The following NAALADL2 variants were observed in gnomAD, a reference collection of about 807,000 sequenced individuals.
NAALADL2 encodes the protein N-acetylated alpha-linked acidic dipeptidase like 2, also known as inactive N-acetylated-alpha-linked acidic dipeptidase-like protein 2.
NAALADL2 carries 76 observed loss-of-function variants against 87.2 expected under a neutral mutation model. The ratio of observed to expected loss-of-function variants is 0.87; its 90% CI spans 0.72 to 1.05. The LOEUF (loss-of-function observed/expected upper bound fraction) is 1.05. Among genes scored for constraint, NAALADL2 ranks in the 50% least tolerant of loss-of-function variants. The probability of loss-of-function intolerance (pLI) is 0.00; values close to 1 mark genes in which losing one functional copy is unlikely to be tolerated. For missense variants in NAALADL2, 1,089 were observed against 945.8 expected (o/e 1.15, Z -1.99); for synonymous variants, 354 against 331.0 (o/e 1.07, Z -0.75).
At chr3:174,972,897 G>A (rs1275907546) in intron 1 of NAALADL2, among the ~76,000 whole-genome samples, 2 of 151,796 alleles carry the variant, frequency 1.3e-5, no homozygotes, top group African/African-American at 2.4e-5. Flanking sequence ...TCGGGAGGCT[G>A]AGGGAGGAGA....
At chr3:174,844,084 C>G (rs1303740174) in intron 3 of NAALADL2, among the ~76,000 whole-genome samples, 2 of 152,270 alleles carry the variant, frequency 1.3e-5, no homozygotes, top group African/African-American at 4.8e-5. Context: ...TTTTAAAAAT[C>G]TTTGCCCAGC....
intron 1 of NAALADL2, among the ~76,000 whole-genome samples, chr3:175,033,914 CTT>C (rs1489204816): frequency 3.3e-5 from 5 of 152,276 alleles, no homozygotes; most frequent in Admixed American, 6.5e-5. Flanking sequence ...GACATTATCA[CTT>C]GAATATGTAA....
chr3:174,643,160 A>G (rs1415970566), intron 2 of NAALADL2, among the ~76,000 whole-genome samples: 1 of 152,182 alleles, frequency 6.6e-6, no homozygotes, highest in Non-Finnish European at 1.5e-5. Context: ...AGTCACTCTT[A>G]TAATGCCAGA....
rs1445005127 is a variant in NAALADL2, at chr3:174,505,152, A to G, written c.-183-45417A>G. 3.9e-5 allele frequency among the ~76,000 whole-genome samples: 6 copies of G among 152,168 alleles called. No homozygotes were observed. In the East Asian group the frequency reaches 9.6e-4, roughly 24 times the overall value. Reference sequence around the variant, plus strand: ...ATAGAGATCCATTTTGTAACCTAATATTATGAAATGAGGGGAAAATCCCAT... The same window carrying G: ...ATAGAGATCCATTTTGTAACCTAATGTTATGAAATGAGGGGAAAATCCCAT... On this transcript the variant is annotated intron_variant, in intron 1 of 3. Coordinates refer to the NAALADL2 transcript ENST00000434257.
intron 2 of NAALADL2, among the ~76,000 whole-genome samples, chr3:174,623,468 C>G (rs1282885749): frequency 1.3e-5 from 2 of 151,746 alleles, no homozygotes; most frequent in Non-Finnish European, 2.9e-5. Context: ...AAATGATAGA[C>G]TAGTATATAC....
chr3:175,044,214 G>A (rs1289651378), intron 1 of NAALADL2, among the ~76,000 whole-genome samples: 1 of 151,796 alleles, frequency 6.6e-6, no homozygotes, highest in Admixed American at 6.6e-5. Context: ...TGTTAATTTT[G>A]AAAAAAATAC....
intron 2 of NAALADL2, among the ~76,000 whole-genome samples, chr3:174,573,485 G>A (rs866509758): frequency 6.6e-6 from 1 of 152,054 alleles, no homozygotes. Flanking sequence ...GTCCATTTTT[G>A]TGTTGCTGTA....
chr3:174,815,846 T>G (rs867938826), intron 3 of NAALADL2, among the ~76,000 whole-genome samples: 12 of 149,134 alleles, frequency 8.0e-5, no homozygotes, highest in African/African-American at 2.2e-4. Flanking sequence ...TTTTTTTTTT[T>G]TTTTTTTTTT....
chr3:174,716,346 G>T (rs1184344934), intron 2 of NAALADL2, among the ~76,000 whole-genome samples: 3 of 151,860 alleles, frequency 2.0e-5, no homozygotes, highest in Non-Finnish European at 4.4e-5. Context: ...TGCTTATTTT[G>T]TTTTGTTTTG....
In NAALADL2 at chr3:175,447,269, A is replaced by G. The variant is rs111748582; in HGVS notation, c.1131A>G (p.Leu377=). 56 of 1,605,680 alleles carry G rather than the reference A, an allele frequency of 3.5e-5. 1 individual carries two copies. In the African/African-American group the frequency reaches 3.6e-4, roughly 10 times the overall value. ...AAAGCCGATCAAACCTCACCTCTCT[A>G]TTAGTGCAGCCCATCTCTGCACCCC... is the stretch of plus-strand genomic sequence containing the variant. ...FRQSRSNLTS[L]LVQPISAPLV... The change falls in exon 6 of 14, where the codon CTA becomes CTG. Residue 377 remains leucine, a synonymous_variant. Transcript: ENST00000454872.
rs143585982 is a variant in NAALADL2, at chr3:174,750,273, A to C, written c.-9+12527A>C. 9.1e-4 allele frequency among the ~76,000 whole-genome samples: 139 copies of C among 152,308 alleles called. 1 individual carries two copies. Among genetic ancestry groups the C allele is most frequent in the African/African-American group, 3.2e-3 (133 of 41,578 alleles). On this transcript the variant is annotated intron_variant, in intron 3 of 3. Transcript: ENST00000434257. ...AAATTTTATCTGGGCAAATATCGCC[A>C]GCCTATTGTCCTAAAGTTAGGAAAA...
intron 1 of NAALADL2, among the ~76,000 whole-genome samples, chr3:174,870,364 C>T (rs1043465940): frequency 2.0e-5 from 3 of 152,042 alleles, no homozygotes; most frequent in Non-Finnish European, 4.4e-5. Context: ...TTCTGTGTAA[C>T]ATTAGGAAAG....
chr3:175,501,568 G>A (rs1369735151), intron 9 of NAALADL2, among the ~76,000 whole-genome samples: 2 of 152,000 alleles, frequency 1.3e-5, no homozygotes, highest in African/African-American at 4.8e-5. Flanking sequence ...AAAAGAGTGG[G>A]TACAAGACAG....
chr3:174,830,528 G>C (rs1722554774), intron 3 of NAALADL2, among the ~76,000 whole-genome samples: 1 of 151,226 alleles, frequency 6.6e-6, no homozygotes, highest in Admixed American at 6.6e-5. Context: ...TTGTAGTATA[G>C]TTTGAAGTCA....
chr3:174,882,746 T>TAC (rs1229743652), intron 1 of NAALADL2, among the ~76,000 whole-genome samples: 21 of 139,980 alleles, frequency 1.5e-4, no homozygotes, highest in African/African-American at 4.7e-4. Context: ...TATGTGTATA[T>TAC]ACACACGTGT....
chr3:175,031,143 A>C (rs1752751864), intron 1 of NAALADL2, among the ~76,000 whole-genome samples: 1 of 151,982 alleles, frequency 6.6e-6, no homozygotes, highest in Non-Finnish European at 1.5e-5. Context: ...TTTCAACTTT[A>C]ATTTTAGAAT....
intron 9 of NAALADL2, among the ~76,000 whole-genome samples, chr3:175,516,028 T>C (rs1459570914): frequency 1.3e-5 from 2 of 152,240 alleles, no homozygotes; most frequent in Non-Finnish European, 2.9e-5. Context: ...GGGAAAACGT[T>C]TATGACAGAC....
intron 2 of NAALADL2, among the ~76,000 whole-genome samples, chr3:174,693,058 C>T (rs2108858578): frequency 6.6e-6 from 1 of 151,850 alleles, no homozygotes; most frequent in Non-Finnish European, 1.5e-5. Context: ...AAGTAGAAGT[C>T]TAAGTTCATG....
At chr3:175,241,346 C>T (rs1254025892) in intron 3 of NAALADL2, among the ~76,000 whole-genome samples, 1 of 152,032 alleles carries the variant, frequency 6.6e-6, no homozygotes, top group Non-Finnish European at 1.5e-5. Flanking sequence ...TTAGCCTCCC[C>T]AGTAACTAGG....
Sources: gnomAD v4.1 joint callset for allele counts (sites outside exome capture counted in the v4.1 genomes callset) on GRCh38, gnomAD v4.1.1 for gene constraint, MANE v1.5 for transcripts, NCBI Gene and HGNC (gene_info 2026-07-23, HGNC 2026-07-21) for gene names.